Variants in RHOH observed in about 807,000 individuals in gnomAD.
RHOH encodes the protein ras homolog family member H.
RHOH carries 6 observed loss-of-function variants against 13.8 expected under a neutral mutation model. That is an observed-to-expected ratio of 0.44 (90% confidence interval 0.24 to 0.86). RHOH has a LOEUF of 0.86. Ranked by LOEUF, RHOH falls within the 40% of genes least tolerant of loss-of-function variation. The probability of loss-of-function intolerance (pLI) is 0.24; values close to 1 mark genes in which losing one functional copy is unlikely to be tolerated. For synonymous variants in RHOH, 117 were observed against 103.0 expected (o/e 1.14, Z -0.82); for missense variants, 147 against 244.5 (o/e 0.60, Z 2.66).
intron 1 of RHOH, among the ~76,000 whole-genome samples, chr4:40,236,667 C>T (rs7677542): frequency 0.22 from 32,822 of 151,718 alleles, 4,526 homozygotes; most frequent in African/African-American, 0.4. Flanking sequence ...GGTGTGCTCC[C>T]GTAGTCCCAA....
chr4:40,213,529 TA>T (rs1282237057), intron 1 of RHOH, among the ~76,000 whole-genome samples: 1 of 151,878 alleles, frequency 6.6e-6, no homozygotes, highest in Non-Finnish European at 1.5e-5. Context: ...AAAAATTCTC[TA>T]AAAAAAATCC....
intron 1 of RHOH, among the ~76,000 whole-genome samples, chr4:40,233,143 C>T (rs919934215): frequency 6.6e-6 from 1 of 152,172 alleles, no homozygotes; most frequent in Non-Finnish European, 1.5e-5. Flanking sequence ...CACTCTGTGC[C>T]AGGCACTATT....
intron 1 of RHOH, among the ~76,000 whole-genome samples, chr4:40,213,372 TTC>T (rs1476943743): frequency 8.1e-5 from 12 of 147,740 alleles, no homozygotes; most frequent in East Asian, 6.1e-4. Context: ...TTTTTTTTTT[TTC>T]TCTCTCTCTC....
intron 1 of RHOH, among the ~76,000 whole-genome samples, chr4:40,233,701 T>C (rs376530504): frequency 5.1e-4 from 78 of 152,348 alleles, no homozygotes; most frequent in Middle Eastern, 3.4e-3. Context: ...TAAAATGCTA[T>C]TTGTGAAACC....
rs1729555323 is a variant in RHOH, at chr4:40,243,779, C to T, written c.393C>T (p.Val131=). The T allele has an allele frequency of 6.8e-6, 11 of 1,613,976 alleles. No homozygotes were observed. Among genetic ancestry groups the T allele is most frequent in the African/African-American group, 4.0e-5 (3 of 74,928 alleles). The change falls in exon 3 of 3, where the codon GTC becomes GTT. Residue 131 remains valine (V), a synonymous_variant. Transcript: ENST00000381799. This position sits in a 1 kb window ranked among gnomAD's most constrained non-coding sequence, Gnocchi z 6.2. ...TGGGGCCCCACAGGGCCTCCTGCGTCAATGCCATGGAAGGGAAGAAACTGG... is the reference window on the plus strand; with the variant it reads ...TGGGGCCCCACAGGGCCTCCTGCGTTAATGCCATGGAAGGGAAGAAACTGG... ...REMGPHRASC[V]NAMEGKKLAQ...
At chr4:40,210,548 A>G (rs990956905) in intron 1 of RHOH, among the ~76,000 whole-genome samples, 1 of 152,038 alleles carries the variant, frequency 6.6e-6, no homozygotes, top group Non-Finnish European at 1.5e-5. Context: ...CATTGGTAGA[A>G]CTAGGTTACA....
At chr4:40,214,790 G>T (rs577492174) in intron 1 of RHOH, among the ~76,000 whole-genome samples, 20 of 152,120 alleles carry the variant, frequency 1.3e-4, no homozygotes, top group Non-Finnish European at 1.6e-4. Context: ...AGAGGGTAAG[G>T]CTTAGGCTAA....
intron 1 of RHOH, among the ~76,000 whole-genome samples, chr4:40,223,973 T>G (rs1343359881): frequency 1.3e-5 from 2 of 152,132 alleles, no homozygotes; most frequent in Non-Finnish European, 2.9e-5. Flanking sequence ...GGTTTCTCCA[T>G]GTTGGTCAGG....
At chr4:40,193,607 C>T (rs1023129509), upstream of RHOH, 2 of 152,222 alleles carry the variant, frequency 1.3e-5, no homozygotes, top group East Asian at 1.9e-4. Flanking sequence ...TAGATGGCAA[C>T]CCCCTGTCCC....
intron 1 of RHOH, among the ~76,000 whole-genome samples, chr4:40,221,179 T>C (rs75246579): frequency 0.026 from 3,955 of 152,274 alleles, 89 homozygotes; most frequent in Middle Eastern, 0.048. Context: ...TTACCCATCA[T>C]TGCAGAGACC....
rs1366046024 is a variant in RHOH at position 40,245,248 on chromosome 4, G to T, written c.*1286G>T. 6.6e-6 allele frequency: 1 copy of T among 152,210 alleles called. No homozygotes were observed. Among genetic ancestry groups the T allele is most frequent in the South Asian group, 2.1e-4 (1 of 4,836 alleles). 9.4% of individuals were successfully genotyped at this position (152,210 alleles called of 1,614,324 possible). On this transcript the variant is annotated 3_prime_UTR_variant, in exon 3 of 3. Transcript: ENST00000381799. ...GAGAACAGAGGACTACATAACTTAAGGTAGAAATTGCAAAGGCTGGGTTGG... is the reference window on the plus strand; with the variant it reads ...GAGAACAGAGGACTACATAACTTAATGTAGAAATTGCAAAGGCTGGGTTGG...
Position 40,229,648 on chromosome 4 carries a change from A to AG in RHOH, c.-330-13066_-330-13065insG, listed in dbSNP as rs371220253. Among the ~76,000 whole-genome samples the AG allele has an allele frequency of 4.4e-3, 667 of 151,556 alleles. 17 individuals carry two copies. The highest frequency in any genetic ancestry group is 0.037 in the South Asian group (175 of 4,754). On this transcript the variant is annotated intron_variant, in intron 1 of 2. Coordinates refer to ENST00000381799, the MANE Select transcript of RHOH (RefSeq NM_004310.5). ...AAACGCCATCTCAAAAAAAAAAAAA[A>AG]AAAGAAAGAAAGAAAACAAAAGCCC... is the stretch of plus-strand genomic sequence containing the variant.
intron 1 of RHOH, among the ~76,000 whole-genome samples, chr4:40,204,513 G>A (rs1724408671): frequency 6.6e-6 from 1 of 152,156 alleles, no homozygotes; most frequent in South Asian, 2.1e-4. Context: ...AATGTGATGA[G>A]AGCCAAAGAC....
At chr4:40,215,481 G>C (rs1312214501) in intron 1 of RHOH, among the ~76,000 whole-genome samples, 1 of 151,966 alleles carries the variant, frequency 6.6e-6, no homozygotes, top group Non-Finnish European at 1.5e-5. Flanking sequence ...GTCTTTTCCT[G>C]GTCCTCCCTC....
chr4:40,198,982 C>T (rs1031465739), intron 1 of RHOH, among the ~76,000 whole-genome samples: 8 of 152,098 alleles, frequency 5.3e-5, no homozygotes, highest in South Asian at 2.1e-4. Flanking sequence ...ACATACAGCA[C>T]GGTGAATAAG....
chr4:40,208,365 A>G (rs1724888878), intron 1 of RHOH, among the ~76,000 whole-genome samples: 1 of 152,206 alleles, frequency 6.6e-6, no homozygotes, highest in East Asian at 1.9e-4. Flanking sequence ...TCATTAACGA[A>G]TTAGTAACCA....
intron 1 of RHOH, among the ~76,000 whole-genome samples, chr4:40,216,911 G>A (rs1035821562): frequency 2.0e-5 from 3 of 152,106 alleles, no homozygotes; most frequent in Non-Finnish European, 4.4e-5. Context: ...TCTCAATGAC[G>A]AAAGGAAACA....
At chr4:40,205,995 T>G (rs1337000946) in intron 1 of RHOH, among the ~76,000 whole-genome samples, 1 of 152,244 alleles carries the variant, frequency 6.6e-6, no homozygotes, top group Non-Finnish European at 1.5e-5. Context: ...CTTGTAAGTT[T>G]CAATATCTAT....
chr4:40,203,521 A>AGTGTGT (rs142926219), intron 1 of RHOH, among the ~76,000 whole-genome samples: 2 of 147,246 alleles, frequency 1.4e-5, no homozygotes, highest in African/African-American at 2.5e-5. Context: ...TATATCTGTG[A>AGTGTGT]GTGTGTGTGT....
Sources: allele counts gnomAD v4.1 joint callset (sites outside exome capture counted in the v4.1 genomes callset), GRCh38; gene constraint gnomAD v4.1.1; non-coding constraint Gnocchi (gnomAD v3.1); transcripts MANE v1.5; gene names NCBI Gene and HGNC (gene_info 2026-07-23, HGNC 2026-07-21).